Variants in SDK1 observed in about 807,000 individuals in gnomAD.
SDK1 encodes the protein sidekick cell adhesion molecule 1, also known as protein sidekick-1.
A neutral mutation model predicts 245.5 loss-of-function variants in SDK1; 157 were observed. The observed-to-expected ratio is 0.64, with a 90% CI of 0.56 to 0.73. The LOEUF (loss-of-function observed/expected upper bound fraction) is 0.73, where lower values mean the gene tolerates loss of function less well. Ranked by LOEUF, SDK1 falls within the 30% of genes least tolerant of loss-of-function variation. SDK1 has a pLI of 0.00. For synonymous variants in SDK1, 1,647 were observed against 1,278.5 expected, an observed-to-expected ratio of 1.29 and a Z score of -6.15; for missense variants, 3,583 against 3,002.3, an observed-to-expected ratio of 1.19 and a Z score of -4.52.
chr7:3,351,345 G>C (rs928487277), intron 1 of SDK1, among the ~76,000 whole-genome samples: 42 of 152,180 alleles, frequency 2.8e-4, no homozygotes, highest in African/African-American at 1.0e-3. Flanking sequence ...TCAACACAAG[G>C]AGAAAAATTA....
chr7:3,924,713 T>C (rs982702660), intron 5 of SDK1, among the ~76,000 whole-genome samples: 3 of 152,214 alleles, frequency 2.0e-5, no homozygotes, highest in Non-Finnish European at 4.4e-5. Flanking sequence ...AGTTCTGGCA[T>C]GCTAATTTTC....
intron 5 of SDK1, among the ~76,000 whole-genome samples, chr7:3,894,709 T>C (rs56237255): frequency 0.021 from 3,127 of 150,344 alleles, 108 homozygotes; most frequent in African/African-American, 0.072. Context: ...TTTTTTTTTT[T>C]TTTTTTTGAG....
At chr7:4,132,174 A>T (rs1784871191) in intron 27 of SDK1, 151 bp from the exon 28 acceptor site, 3 of 568,178 alleles carry the variant, frequency 5.3e-6, no homozygotes, top group Non-Finnish European at 9.6e-6. Context: ...TCCAAAAGTC[A>T]TCAGTCCAAA....
At chr7:3,681,515 T>C (rs1784099520) in intron 4 of SDK1, among the ~76,000 whole-genome samples, 1 of 152,228 alleles carries the variant, frequency 6.6e-6, no homozygotes, top group South Asian at 2.1e-4. Context: ...TTCAAATTTA[T>C]TTTTCAAAAT....
chr7:4,220,731 C>G (rs58686602), intron 39 of SDK1, among the ~76,000 whole-genome samples: 62,361 of 151,796 alleles, frequency 0.41, 13,619 homozygotes, highest in African/African-American at 0.57. Context: ...TGTGGGGTGC[C>G]CTGCACCTGC....
intron 1 of SDK1, among the ~76,000 whole-genome samples, chr7:3,397,559 C>G (rs1266222719): frequency 6.6e-6 from 1 of 151,072 alleles, no homozygotes; most frequent in African/African-American, 2.4e-5. Context: ...AGCTGTTAAT[C>G]TTATAGAGGA....
At chr7:3,465,841 A>T (rs1473784050) in intron 1 of SDK1, among the ~76,000 whole-genome samples, 2 of 152,188 alleles carry the variant, frequency 1.3e-5, no homozygotes, top group African/African-American at 4.8e-5. Context: ...CATCAGTCTA[A>T]CACTCCAAGC....
chr7:4,079,425 C>T (rs1319168845), intron 21 of SDK1, 38 bp from the exon 22 acceptor site: 1 of 1,611,786 alleles, frequency 6.2e-7, no homozygotes, highest in Non-Finnish European at 8.5e-7. Context: ...CTGTGACGGA[C>T]TGTAAATCTC....
intron 19 of SDK1, among the ~76,000 whole-genome samples, chr7:4,065,694 G>GTTGTTGTTTTT (rs1779841876): frequency 1.5e-5 from 1 of 66,720 alleles, no homozygotes; most frequent in African/African-American, 3.4e-5. Flanking sequence ...AGTGGTTGTT[G>GTTGTTGTTTTT]TTTTTTTTTT....
intron 35 of SDK1, among the ~76,000 whole-genome samples, chr7:4,189,152 A>G (rs1302801279): frequency 6.6e-6 from 1 of 152,120 alleles, no homozygotes; most frequent in East Asian, 1.9e-4. Flanking sequence ...TCGTCTATTC[A>G]TGCTTGCTCC....
intron 4 of SDK1, among the ~76,000 whole-genome samples, chr7:3,689,987 T>C (rs904336529): frequency 1.3e-5 from 2 of 152,266 alleles, no homozygotes; most frequent in African/African-American, 4.8e-5. Context: ...GTTTTGTATT[T>C]GAGTTGTTAA....
intron 1 of SDK1, among the ~76,000 whole-genome samples, chr7:3,325,911 C>T (rs1320108278): frequency 1.3e-5 from 2 of 149,524 alleles, no homozygotes; most frequent in Non-Finnish European, 3.0e-5. Flanking sequence ...ACATCCTCCC[C>T]TTTGAGAGGC....
At chr7:3,462,579 T>C (rs1485989216) in intron 1 of SDK1, among the ~76,000 whole-genome samples, 1 of 152,234 alleles carries the variant, frequency 6.6e-6, no homozygotes, top group Non-Finnish European at 1.5e-5. Context: ...TATATCTTTC[T>C]AAGCCATCTC....
intron 5 of SDK1, among the ~76,000 whole-genome samples, chr7:3,868,219 G>A (rs1334896079): frequency 3.9e-5 from 6 of 152,178 alleles, no homozygotes; most frequent in Admixed American, 3.9e-4. Flanking sequence ...ATTATTTATT[G>A]TTTATTGGTA....
intron 1 of SDK1, among the ~76,000 whole-genome samples, chr7:3,416,336 C>T (rs745478543): frequency 4.3e-4 from 65 of 152,176 alleles, no homozygotes; most frequent in Middle Eastern, 6.8e-3. Context: ...ACTGTGCTCC[C>T]GTTCTAGGGC....
intron 1 of SDK1, among the ~76,000 whole-genome samples, chr7:3,614,751 C>T (rs549241870): frequency 2.0e-5 from 3 of 152,212 alleles, no homozygotes; most frequent in African/African-American, 7.2e-5. Context: ...AAATACGTGT[C>T]GTTATGATTT....
At chr7:3,504,338 A>G (rs1437932408) in intron 1 of SDK1, among the ~76,000 whole-genome samples, 4 of 151,852 alleles carry the variant, frequency 2.6e-5, no homozygotes, top group African/African-American at 9.7e-5. Flanking sequence ...TGATAATACA[A>G]GGGACCCAGA....
At chr7:4,077,501 A>G (rs1780769020) in intron 21 of SDK1, among the ~76,000 whole-genome samples, 1 of 152,200 alleles carries the variant, frequency 6.6e-6, no homozygotes, top group Non-Finnish European at 1.5e-5. Flanking sequence ...AATACTTTCA[A>G]AACAGTAGCG....
intron 17 of SDK1, among the ~76,000 whole-genome samples, chr7:4,034,936 T>C (rs1363307933): frequency 6.6e-6 from 1 of 152,220 alleles, no homozygotes; most frequent in African/African-American, 2.4e-5. Context: ...GCTTATAGAA[T>C]TGGCTTTGAA....
Sources: gnomAD v4.1 joint callset for allele counts (sites outside exome capture counted in the v4.1 genomes callset) on GRCh38, gnomAD v4.1.1 for gene constraint, MANE v1.5 for transcripts, NCBI Gene and HGNC (gene_info 2026-07-23, HGNC 2026-07-21) for gene names.